Variants in FBXW12 observed in about 807,000 individuals in gnomAD.
FBXW12 encodes F-box/WD repeat-containing protein 12.
Under a neutral mutation model 55.3 loss-of-function variants are expected in FBXW12, and 43 were observed. That is an observed-to-expected ratio of 0.78 (90% confidence interval 0.61 to 1.00). FBXW12 has a LOEUF of 1.00. Ranked by LOEUF, FBXW12 falls within the 50% of genes least tolerant of loss-of-function variation. The pLI is 0.00. For missense variants in FBXW12, 524 were observed against 560.5 expected (o/e 0.93, Z 0.66); for synonymous variants, 184 against 203.8 (o/e 0.90, Z 0.83).
intron 10 of FBXW12, among the ~76,000 whole-genome samples, chr3:48,393,932 C>A (rs2036967877): frequency 6.6e-6 from 1 of 151,868 alleles, no homozygotes; most frequent in African/African-American, 2.4e-5. Flanking sequence ...GCGTGCACCA[C>A]CACGCCGACT....
chr3:48,372,603 G>GT lies in FBXW12; in HGVS notation c.-84-80dup, dbSNP rs2036617638. 9 of 1,494,172 alleles carry GT rather than the reference G, an allele frequency of 6.0e-6. No individual in the cohort carries two copies. The South Asian group carries it at 7.8e-5, about 13-fold the overall frequency. The allele number at this position is 1,494,172 out of a possible 1,614,324, so 92.6% of individuals were successfully genotyped here. The stretch of plus-strand genomic sequence containing the variant: ...ATCAGGCCCCAGGGGAGAGGCCGGG[G>GT]TGGAGGTCAGCCCGGGAGTCTGCAC... On this transcript the variant is annotated intron_variant, in intron 1 of 10. Transcript: ENST00000296438.
At chr3:48,380,626 G>A in intron 7 of FBXW12, 76 bp from the exon 8 acceptor site, 1 of 1,050,734 alleles carries the variant, frequency 9.5e-7, no homozygotes, top group Non-Finnish European at 1.5e-6. Context: ...TTCTAAGAAG[G>A]CTCTTCTGGA....
intron 6 of FBXW12, among the ~76,000 whole-genome samples, chr3:48,378,740 G>C (rs1243437448): frequency 6.6e-6 from 1 of 151,042 alleles, no homozygotes; most frequent in East Asian, 2.0e-4. Flanking sequence ...TCAGCCTCCT[G>C]AGTCGCTGAG....
In FBXW12 at chr3:48,390,181, G is replaced by T. The variant is rs537054492; in HGVS notation, c.1296-4379G>T. Among the ~76,000 whole-genome samples the T allele has an allele frequency of 2.6e-5, 4 of 152,102 alleles. No individual in the cohort carries two copies. In the South Asian group the frequency reaches 6.2e-4, roughly 24 times the overall value. On this transcript the variant is annotated intron_variant, in intron 10 of 10. Coordinates refer to ENST00000296438, the MANE Select transcript of FBXW12 (RefSeq NM_207102.2). ...GGCTTTCTTCTTTTTCCTCCAGATT[G>T]CTTTGGCTATTTAATATGGAATCAG...
intron 3 of FBXW12, 86 bp from the exon 4 acceptor site, chr3:48,373,462 G>GT: frequency 1.2e-6 from 2 of 1,603,710 alleles, no homozygotes; most frequent in Non-Finnish European, 1.7e-6. Flanking sequence ...GAAAGTTAGT[G>GT]TGAGTAGGGG....
In FBXW12 at chr3:48,372,237, A is replaced by G. The variant is rs548866456; in HGVS notation, c.-168A>G. The G allele has an allele frequency of 2.6e-6, 4 of 1,550,732 alleles. No homozygotes were observed. In the African/African-American group the frequency reaches 4.1e-5, roughly 16 times the overall value. ...TGGCACGTTCTTTCTCCTCCACTGC[A>G]AAGTTAAATGCGAGAAGGTAGAAAC... On this transcript the variant is annotated 5_prime_UTR_variant, in exon 1 of 11. Coordinates refer to ENST00000296438, the MANE Select transcript of FBXW12 (RefSeq NM_207102.2).
At chr3:48,391,505 ATCACTACTAG>A (rs1560035376) in intron 10 of FBXW12, among the ~76,000 whole-genome samples, 1 of 151,902 alleles carries the variant, frequency 6.6e-6, no homozygotes, top group African/African-American at 2.4e-5. Context: ...ATCACTACTA[ATCACTACTAG>A]TCACTACTAT....
At chr3:48,372,979 T>C (rs1340759179) in intron 2 of FBXW12, 122 bp downstream of exon 2, 10 of 950,438 alleles carry the variant, frequency 1.1e-5, no homozygotes, top group East Asian at 2.4e-5. Context: ...TTCTTCATAC[T>C]GAGGGCCTCA....
At position 48,380,148 on chromosome 3, in the gene FBXW12, A is replaced by AT. The variant is rs546275157; in HGVS notation, c.775-539dup. On this transcript the variant is annotated intron_variant, in intron 7 of 10. Transcript: ENST00000296438. ...CCCTACCTCTTAAAAAAAAAAAAAA[A>AT]TTTTTTTTTTTTTTTACAAAAATAT... The AT allele has an allele frequency of 2.9e-3, 407 of 141,884 alleles. 2 individuals are homozygous for AT. The highest frequency in any genetic ancestry group is 8.4e-3 in the South Asian group (37 of 4,406). The allele number at this position is 141,884 out of a possible 1,614,324, so 8.8% of individuals were successfully genotyped here.
At chr3:48,385,276 A>C (rs9864371) in intron 10 of FBXW12, among the ~76,000 whole-genome samples, 58,741 of 151,940 alleles carry the variant, frequency 0.39, 11,647 homozygotes, top group Non-Finnish European at 0.46. Flanking sequence ...TGACCTCCAG[A>C]TTCATCCATG....
intron 3 of FBXW12, 32 bp downstream of exon 3, chr3:48,373,377 G>A: frequency 1.2e-6 from 2 of 1,614,146 alleles, no homozygotes; most frequent in Non-Finnish European, 1.7e-6. Flanking sequence ...GGAGGGAAGG[G>A]GAGAGGAGAT....
At chr3:48,385,366 GTGTGTA>G (rs372903203) in intron 10 of FBXW12, among the ~76,000 whole-genome samples, 2 of 136,098 alleles carry the variant, frequency 1.5e-5, no homozygotes, top group African/African-American at 5.3e-5. Flanking sequence ...GTGTGTGTGT[GTGTGTA>G]TGTATCTACA....
chr3:48,372,930 G>A, intron 2 of FBXW12, 73 bp downstream of exon 2: 2 of 1,365,682 alleles, frequency 1.5e-6, no homozygotes, highest in South Asian at 1.2e-5. Context: ...CCACTTTGCA[G>A]AATAGCAGAG....
intron 5 of FBXW12, 130 bp downstream of exon 5, chr3:48,375,602 T>C: frequency 1.6e-6 from 1 of 624,884 alleles, no homozygotes; most frequent in Non-Finnish European, 2.8e-6. Context: ...TCAGGTTTTC[T>C]ATCATGTAAT....
chr3:48,374,781 TTTTTTAA>T (rs2036658898), intron 4 of FBXW12, among the ~76,000 whole-genome samples: 1 of 141,790 alleles, frequency 7.1e-6, no homozygotes, highest in African/African-American at 2.6e-5. Flanking sequence ...TTTTTTTTTT[TTTTTTAA>T]AAACAGAGTC....
intron 2 of FBXW12, 80 bp from the exon 3 acceptor site, chr3:48,373,228 A>T: frequency 6.2e-7 from 1 of 1,607,834 alleles, no homozygotes; most frequent in African/African-American, 1.3e-5. Flanking sequence ...CCCAGCTCCC[A>T]GAACAAATAA....
At chr3:48,372,579 T>A (rs761999232) in intron 1 of FBXW12, 105 bp from the exon 2 acceptor site, 22 of 1,350,718 alleles carry the variant, frequency 1.6e-5, no homozygotes, top group Non-Finnish European at 1.9e-5. Context: ...GCTGTGTGGA[T>A]CAGGCCCCAG....
Position 48,378,307 on chromosome 3 carries a change from C to A in FBXW12, c.406-10C>A. On this transcript the variant is annotated splice_polypyrimidine_tract_variant and intron_variant, in intron 5 of 10. Transcript: ENST00000296438. The stretch of plus-strand genomic sequence containing the variant: ...CCTTGAACACAGGTCGTGTTACTCT[C>A]GTTTTCTAGGGTACCATGATCTGGT... The A allele has an allele frequency of 6.2e-7, 1 of 1,610,336 alleles. No individual in the cohort carries two copies. The highest frequency in any genetic ancestry group is 2.2e-5 in the East Asian group (1 of 44,832).
chr3:48,374,149 C>G (rs908434063), intron 4 of FBXW12, among the ~76,000 whole-genome samples: 2 of 152,014 alleles, frequency 1.3e-5, no homozygotes, highest in Non-Finnish European at 2.9e-5. Context: ...TGAGACCCCC[C>G]CTCCATCTCT....
Sources: gnomAD v4.1 joint callset for allele counts (sites outside exome capture counted in the v4.1 genomes callset) on GRCh38, gnomAD v4.1.1 for gene constraint, MANE v1.5 for transcripts, NCBI Gene and HGNC (gene_info 2026-07-23, HGNC 2026-07-21) for gene names.